Variants in ATF2 observed in about 807,000 individuals in gnomAD.
ATF2 encodes the protein cyclic AMP-dependent transcription factor ATF-2.
A neutral mutation model predicts 60.6 loss-of-function variants in ATF2; 24 were observed. The ratio of observed to expected loss-of-function variants is 0.40; its 90% confidence interval spans 0.29 to 0.56. The LOEUF (loss-of-function observed/expected upper bound fraction) is 0.56. Ranked by LOEUF, ATF2 falls within the 20% of genes least tolerant of loss-of-function variation. The pLI, the probability that ATF2 is intolerant of heterozygous loss-of-function variation, is 0.54. For missense variants in ATF2, 433 were observed against 607.7 expected (o/e 0.71, Z 3.02); for synonymous variants, 206 against 215.4 (o/e 0.96, Z 0.38).
At chr2:175,165,451 TACCAG>T (rs1185492618) in intron 1 of ATF2, among the ~76,000 whole-genome samples, 1 of 152,256 alleles carries the variant, frequency 6.6e-6, no homozygotes, top group Admixed American at 6.5e-5. Flanking sequence ...TCTAACAATT[TACCAG>T]ACAAGAACGT....
intron 1 of ATF2, chr2:175,167,665 G>T: frequency 2.0e-6 from 1 of 506,932 alleles, no homozygotes; most frequent in Non-Finnish European, 4.1e-6. Flanking sequence ...CTGCGCACAC[G>T]GCTGACTCGA....
At chr2:175,116,054 T>C (rs1696539709) in intron 7 of ATF2, among the ~76,000 whole-genome samples, 2 of 152,086 alleles carry the variant, frequency 1.3e-5, no homozygotes, top group Admixed American at 1.3e-4. Context: ...TAAGGATAGA[T>C]GCGTAGACAG....
At chr2:175,079,624 A>G in intron 13 of ATF2, among the ~76,000 whole-genome samples, 1 of 152,148 alleles carries the variant, frequency 6.6e-6, no homozygotes, top group East Asian at 1.9e-4. Context: ...AAATCTACGG[A>G]ATCTTTTAAA....
At chr2:175,161,825 A>T (rs1191058816) in intron 1 of ATF2, among the ~76,000 whole-genome samples, 1 of 149,788 alleles carries the variant, frequency 6.7e-6, no homozygotes, top group Non-Finnish European at 1.5e-5. Flanking sequence ...CACTGGCGTG[A>T]TCTTGGCTCA....
At chr2:175,129,716 AC>A (rs1697595221) in intron 4 of ATF2, among the ~76,000 whole-genome samples, 1 of 152,088 alleles carries the variant, frequency 6.6e-6, no homozygotes, top group Non-Finnish European at 1.5e-5. Flanking sequence ...AGGCTTAACA[AC>A]ATTAATACAT....
chr2:175,131,490 A>T (rs1697724286), intron 3 of ATF2, among the ~76,000 whole-genome samples: 1 of 152,220 alleles, frequency 6.6e-6, no homozygotes, highest in Non-Finnish European at 1.5e-5. Flanking sequence ...AGAGACAAAA[A>T]GCAGAGACAA....
chr2:175,131,625 C>G (rs1186128397), intron 3 of ATF2, among the ~76,000 whole-genome samples: 2 of 152,162 alleles, frequency 1.3e-5, no homozygotes, highest in African/African-American at 4.8e-5. Context: ...AACATATTAT[C>G]CTTCTAGTGC....
chr2:175,093,292 T>C (rs772881647), intron 11 of ATF2, 25 bp from the exon 12 acceptor site: 1 of 1,603,594 alleles, frequency 6.2e-7, no homozygotes, highest in African/African-American at 1.3e-5. Context: ...GATGAAAGCC[T>C]GTTATATTTG....
intron 10 of ATF2, 69 bp downstream of exon 10, chr2:175,111,499 A>T: frequency 2.2e-6 from 3 of 1,345,878 alleles, no homozygotes; most frequent in Non-Finnish European, 3.1e-6. Flanking sequence ...CATTTGAAGC[A>T]GGCTTTAGTG....
intron 2 of ATF2, among the ~76,000 whole-genome samples, chr2:175,144,226 T>C (rs1370908641): frequency 6.6e-6 from 1 of 152,248 alleles, no homozygotes; most frequent in Non-Finnish European, 1.5e-5. Context: ...GTCCTAACTA[T>C]TCATTTTGCA....
At chr2:175,092,591 G>A (rs1694627921) in intron 12 of ATF2, 2 of 452,988 alleles carry the variant, frequency 4.4e-6, no homozygotes, top group Non-Finnish European at 4.5e-6. Context: ...CTGTCAATCT[G>A]GCACCTTTCA....
At chr2:175,145,172 G>C (rs1429735477) in intron 2 of ATF2, among the ~76,000 whole-genome samples, 1 of 152,076 alleles carries the variant, frequency 6.6e-6, no homozygotes, top group African/African-American at 2.4e-5. Flanking sequence ...GAGGGCCTGG[G>C]AACACTGAAA....
chr2:175,080,528 C>A, intron 13 of ATF2, 132 bp downstream of exon 13: 1 of 671,274 alleles, frequency 1.5e-6, no homozygotes, highest in Non-Finnish European at 2.4e-6. Flanking sequence ...TCTATAATAA[C>A]CTTACAGAAA....
chr2:175,139,930 T>C (rs1043428076), intron 2 of ATF2, among the ~76,000 whole-genome samples: 7 of 151,960 alleles, frequency 4.6e-5, no homozygotes, highest in Admixed American at 1.3e-4. Flanking sequence ...GAACATAAAG[T>C]AAAATGAAGG....
Position 175,074,250 on chromosome 2 carries a change from T to A in ATF2, c.*359A>T, listed in dbSNP as rs1424950566. The A allele has an allele frequency of 5.5e-6, 1 of 180,808 alleles. No homozygotes were observed. Among genetic ancestry groups the A allele is most frequent in the Non-Finnish European group, 1.2e-5 (1 of 85,712 alleles). 11.2% of individuals were successfully genotyped at this position (180,808 alleles called of 1,614,324 possible). Reference sequence around the variant, plus strand: ...GTCACAGTTGAGGGTTAAGGGGTGGTCAAAAGAAATGGAAGTGGGAAGAAA... The same window carrying A: ...GTCACAGTTGAGGGTTAAGGGGTGGACAAAAGAAATGGAAGTGGGAAGAAA... On this transcript the variant is annotated 3_prime_UTR_variant, in exon 14 of 14. Transcript: ENST00000264110.
chr2:175,117,865 T>G, intron 7 of ATF2, 125 bp downstream of exon 7: 1 of 1,077,884 alleles, frequency 9.3e-7, no homozygotes, highest in Non-Finnish European at 1.2e-6. Flanking sequence ...TGACAGGCTT[T>G]CACATATAAA....
chr2:175,129,976 A>T lies in ATF2; in HGVS notation c.102+162T>A, dbSNP rs538840670. Among the ~76,000 whole-genome samples, 4 of 152,204 alleles carry T rather than the reference A, an allele frequency of 2.6e-5. No individual in the cohort carries two copies. The South Asian group carries it at 8.3e-4, about 32-fold the overall frequency. On this transcript the variant is annotated intron_variant, in intron 4 of 13. Transcript: ENST00000264110. ...AAAGCTCAGTTGCACTATTGAAGAA[A>T]AAGCAGAATTTCTTGCCAAAAGTTT...
chr2:175,115,118 CA>C (rs1696463559), intron 7 of ATF2, among the ~76,000 whole-genome samples: 1 of 150,628 alleles, frequency 6.6e-6, no homozygotes, highest in Non-Finnish European at 1.5e-5. Flanking sequence ...CCTATCAATC[CA>C]GAAATAAGTT....
intron 4 of ATF2, among the ~76,000 whole-genome samples, chr2:175,124,158 ATTC>A (rs1167591265): frequency 7.2e-5 from 11 of 151,988 alleles, no homozygotes; most frequent in African/African-American, 2.4e-4. Context: ...CATAAACTGT[ATTC>A]TTCCAGGCAT....
Sources: gnomAD v4.1 joint callset for allele counts (sites outside exome capture counted in the v4.1 genomes callset) on GRCh38, gnomAD v4.1.1 for gene constraint, MANE v1.5 for transcripts, NCBI Gene and HGNC (gene_info 2026-07-23, HGNC 2026-07-21) for gene names.